WASHC2A: variants seen among roughly 807,000 people sequenced by gnomAD.
The protein encoded by WASHC2A is WASH complex subunit FAM21A.
WASHC2A carries 82 observed loss-of-function variants against 140.3 expected under a neutral mutation model. The observed-to-expected ratio is 0.58, with a 90% confidence interval of 0.49 to 0.70. The LOEUF (loss-of-function observed/expected upper bound fraction) is 0.70, where lower values mean the gene tolerates loss of function less well. Among genes scored for constraint, WASHC2A ranks in the 30% least tolerant of loss-of-function variants. The probability of loss-of-function intolerance (pLI) is 0.00; values close to 1 mark genes in which losing one functional copy is unlikely to be tolerated. For missense variants in WASHC2A, 985 were observed against 1,521.8 expected (o/e 0.65, Z 5.87); for synonymous variants, 340 against 560.8 (o/e 0.61, Z 5.56).
intron 8 of WASHC2A, among the ~76,000 whole-genome samples, chr10:50,089,776 G>A (rs1294918672): frequency 5.9e-5 from 9 of 151,994 alleles, no homozygotes; most frequent in Non-Finnish European, 1.0e-4. Context: ...GTAAGACTAT[G>A]CTGATGATGT....
intron 3 of WASHC2A, among the ~76,000 whole-genome samples, chr10:50,071,815 T>G (rs1211330463): frequency 6.7e-6 from 1 of 149,056 alleles, no homozygotes; most frequent in African/African-American, 2.5e-5. Context: ...TTTTTGGTTT[T>G]GTTTTATTGT....
intron 18 of WASHC2A, among the ~76,000 whole-genome samples, chr10:50,104,708 C>T (rs1175334219): frequency 2.6e-5 from 4 of 151,454 alleles, no homozygotes; most frequent in African/African-American, 9.7e-5. Flanking sequence ...TTTTAGAAAT[C>T]TGCCTTTGAG....
chr10:50,098,984 A>T (rs1324038566), intron 16 of WASHC2A, among the ~76,000 whole-genome samples: 1 of 151,762 alleles, frequency 6.6e-6, no homozygotes, highest in Admixed American at 6.6e-5. Context: ...CTCTTTTGCC[A>T]TTGCTAAGTT....
At chr10:50,100,410 A>G (rs1351846215) in intron 17 of WASHC2A, among the ~76,000 whole-genome samples, 1 of 151,066 alleles carries the variant, frequency 6.6e-6, no homozygotes, top group Non-Finnish European at 1.5e-5. Context: ...TGAACCCGGG[A>G]GGCAGAAGTT....
intron 28 of WASHC2A, among the ~76,000 whole-genome samples, chr10:50,128,304 C>T (rs1843626146): frequency 3.9e-5 from 6 of 152,250 alleles, no homozygotes; most frequent in Admixed American, 3.9e-4. Context: ...TGCTGCTGCC[C>T]AAGGCTCCTG....
At chr10:50,125,615 C>T (rs1320649679) in intron 25 of WASHC2A, among the ~76,000 whole-genome samples, 166 bp downstream of exon 25, 1 of 152,190 alleles carries the variant, frequency 6.6e-6, no homozygotes, top group Non-Finnish European at 1.5e-5. Flanking sequence ...GGATGCAATG[C>T]TTAGTTTCTG....
Position 50,084,159 on chromosome 10 carries a change from A to G in WASHC2A, c.616A>G (p.Ser206Gly). 1 of 1,611,644 alleles carries G rather than the reference A, an allele frequency of 6.2e-7. No individual in the cohort carries two copies. The highest frequency in any genetic ancestry group is 1.1e-5 in the South Asian group (1 of 90,886). Reference sequence around the variant, plus strand: ...AGATGTAGGTCTTGGAGAGCTGTCCAGTGAAGGTACTTTTCTTCACCAAAT... The same window carrying G: ...AGATGTAGGTCTTGGAGAGCTGTCCGGTGAAGGTACTTTTCTTCACCAAAT... ...QEDVGLGELSSEEGSVGSDRG... is the reference protein window; with the variant it reads ...QEDVGLGELSGEEGSVGSDRG... Residue 206 changes from serine to glycine, a missense_variant, in exon 6 of 31, where the codon AGT becomes GGT. Physicochemically the swap from Ser to Gly is moderately conservative, Grantham distance 56. Transcript: ENST00000282633.
intron 3 of WASHC2A, among the ~76,000 whole-genome samples, chr10:50,074,901 G>A (rs1455132319): frequency 2.6e-5 from 4 of 151,840 alleles, no homozygotes; most frequent in African/African-American, 7.3e-5. Flanking sequence ...GGGTGACAGA[G>A]CAAGACTCCG....
intron 30 of WASHC2A, among the ~76,000 whole-genome samples, chr10:50,132,411 G>T (rs1844054845): frequency 6.6e-6 from 1 of 152,210 alleles, no homozygotes; most frequent in African/African-American, 2.4e-5. Context: ...GAAAACAGGT[G>T]GGTCCTATGT....
chr10:50,103,861 C>A lies in WASHC2A; in HGVS notation c.1636-181C>A, dbSNP rs1335008721. ...TCCTCCTCCTTAGTGCCACTGCACA[C>A]ACCCTGCACAGACCCTGAGGCCTAT... is the stretch of plus-strand genomic sequence containing the variant. On this transcript the variant is annotated intron_variant, in intron 17 of 30. Coordinates refer to ENST00000282633, the MANE Select transcript of WASHC2A (RefSeq NM_001005751.3). Among the ~76,000 whole-genome samples, 3 of 152,240 alleles carry A rather than the reference C, an allele frequency of 2.0e-5. No individual in the cohort carries two copies. The East Asian group carries it at 5.8e-4, about 29-fold the overall frequency.
chr10:50,103,261 C>T (rs2997933), intron 17 of WASHC2A, among the ~76,000 whole-genome samples: 34,562 of 139,198 alleles, frequency 0.25, 5,368 homozygotes, highest in Middle Eastern at 0.34. Context: ...TTTGTATTTA[C>T]TTAAAAGAAA....
intron 3 of WASHC2A, among the ~76,000 whole-genome samples, chr10:50,078,422 G>C (rs1838563464): frequency 6.6e-6 from 1 of 151,840 alleles, no homozygotes; most frequent in Admixed American, 6.6e-5. Context: ...TTTACAACGA[G>C]GTTAAAGTTT....
intron 25 of WASHC2A, 134 bp downstream of exon 25, chr10:50,125,583 T>C (rs1843355554): frequency 2.5e-6 from 4 of 1,584,684 alleles, no homozygotes; most frequent in South Asian, 2.2e-5. Context: ...GCAAATAACA[T>C]GCTGAGGGGA....
chr10:50,072,197 A>C (rs1458200459), intron 3 of WASHC2A, among the ~76,000 whole-genome samples: 1 of 146,320 alleles, frequency 6.8e-6, no homozygotes, highest in Non-Finnish European at 1.5e-5. Flanking sequence ...CAGTTATCCT[A>C]CTTCAGCCTC....
At chr10:50,100,165 G>C (rs1459291073) in intron 17 of WASHC2A, 101 bp downstream of exon 17, 1 of 1,441,374 alleles carries the variant, frequency 6.9e-7, no homozygotes, top group Admixed American at 1.9e-5. Flanking sequence ...AAGACTTTTT[G>C]TTAAGTACTC....
chr10:50,101,529 C>G (rs1348699713), intron 17 of WASHC2A, among the ~76,000 whole-genome samples: 163 of 152,300 alleles, frequency 1.1e-3, no homozygotes, highest in Non-Finnish European at 1.9e-3. Flanking sequence ...GCCATGAGGG[C>G]AGGACTTTGT....
intron 8 of WASHC2A, among the ~76,000 whole-genome samples, chr10:50,089,918 T>C (rs1465205180): frequency 6.6e-6 from 1 of 152,060 alleles, no homozygotes; most frequent in Non-Finnish European, 1.5e-5. Flanking sequence ...GAGACCAGCC[T>C]GGCCAACATG....
At chr10:50,086,430 TGAA>T (rs1471440661) in intron 7 of WASHC2A, among the ~76,000 whole-genome samples, 1 of 152,188 alleles carries the variant, frequency 6.6e-6, no homozygotes, top group East Asian at 1.9e-4. Context: ...TTGGGCCTAA[TGAA>T]GTAGTTATTT....
At chr10:50,121,641 G>A (rs1196162938) in intron 23 of WASHC2A, among the ~76,000 whole-genome samples, 4 of 149,608 alleles carry the variant, frequency 2.7e-5, no homozygotes, top group Non-Finnish European at 5.9e-5. Flanking sequence ...TGATCCACCT[G>A]CCTTAGCCTC....
Sources: gnomAD v4.1 joint callset for allele counts (sites outside exome capture counted in the v4.1 genomes callset) on GRCh38, gnomAD v4.1.1 for gene constraint, MANE v1.5 for transcripts, NCBI Gene and HGNC (gene_info 2026-07-23, HGNC 2026-07-21) for gene names.